Variants in TBC1D9B observed in about 807,000 individuals in gnomAD.
The protein encoded by TBC1D9B is TBC1 domain family, member 9B (with GRAM domain).
A neutral mutation model predicts 121.1 loss-of-function variants in TBC1D9B; 87 were observed. The ratio of observed to expected loss-of-function variants is 0.72; its 90% CI spans 0.60 to 0.86. TBC1D9B has a LOEUF of 0.86. TBC1D9B is among the 40% of genes least tolerant of loss of function. The probability of loss-of-function intolerance (pLI) is 0.00; values close to 1 mark genes in which losing one functional copy is unlikely to be tolerated. For missense variants in TBC1D9B, 1,540 were observed against 1,628.6 expected, an observed-to-expected ratio of 0.95 and a Z score of 0.94; for synonymous variants, 668 against 670.1, an observed-to-expected ratio of 1.00 and a Z score of 0.05.
rs142783209 is a variant in TBC1D9B, at chr5:179,900,689, G to A, written c.230-1382C>T. ...TGTTTAAAGATGCCTTATTTAATAC[G>A]TATCCCTGATCGATTGGCATTGAGC... On this transcript the variant is annotated intron_variant, in intron 2 of 20. Transcript: ENST00000355235. Among the ~76,000 whole-genome samples the A allele has an allele frequency of 4.4e-3, 673 of 152,236 alleles. 9 individuals carry two copies. The highest frequency in any genetic ancestry group is 0.016 in the African/African-American group (648 of 41,528).
At chr5:179,883,890 G>C (rs971325056) in intron 7 of TBC1D9B, among the ~76,000 whole-genome samples, 1 of 152,192 alleles carries the variant, frequency 6.6e-6, no homozygotes, top group African/African-American at 2.4e-5. Context: ...CACAGCTGGA[G>C]AGGCCTTTCC....
chr5:179,889,091 G>A (rs1197836197), intron 6 of TBC1D9B, among the ~76,000 whole-genome samples: 1 of 151,688 alleles, frequency 6.6e-6, no homozygotes, highest in Non-Finnish European at 1.5e-5. Context: ...GTGCAGTGGT[G>A]CGATCTCAGC....
In TBC1D9B at chr5:179,863,662, T is replaced by C; in HGVS notation, c.3488A>G (p.Glu1163Gly). Residue 1163 changes from glutamate (E) to glycine (G), a missense_variant, in exon 21 of 21, where the codon GAG becomes GGG. Transcript: ENST00000355235. This position sits in a 1 kb window ranked among gnomAD's most constrained non-coding sequence, Gnocchi z 4.5. ...GATGCGCGCTGTGGGGCTGCAGGCC[T>C]CCCCGCCCACCAGCACCGTGTCGTC... ...LADDTVLVGG[E>G]ACSPTARIGG... 2 of 1,613,708 alleles carry C rather than the reference T, an allele frequency of 1.2e-6. No homozygotes were observed. Among genetic ancestry groups the C allele is most frequent in the Non-Finnish European group, 1.7e-6 (2 of 1,180,012 alleles).
chr5:179,904,621 G>C lies in TBC1D9B; in HGVS notation c.229+81C>G. The C allele has an allele frequency of 8.2e-7, 1 of 1,215,210 alleles. No homozygotes were observed. Among genetic ancestry groups the C allele is most frequent in the Non-Finnish European group, 1.2e-6 (1 of 849,136 alleles). 75.3% of individuals were successfully genotyped at this position (1,215,210 alleles called of 1,614,324 possible). A position where few individuals can be genotyped will look rare whatever the true frequency, so the allele number is the denominator to read the frequency against. ...AGCAGGGAATACCACCCAGACACGT[G>C]GGCTACACACCCCTTCCTCTCGGCA... On this transcript the variant is annotated intron_variant, in intron 2 of 20. Coordinates refer to ENST00000355235, the MANE Select transcript of TBC1D9B (RefSeq NM_015043.4). This position sits in a 1 kb window ranked among gnomAD's most constrained non-coding sequence, Gnocchi z 4.2.
In TBC1D9B at chr5:179,878,362, G is replaced by A. The variant is rs760882969; in HGVS notation, c.1729C>T (p.Arg577Trp). The A allele has an allele frequency of 5.0e-6, 8 of 1,613,932 alleles. No homozygotes were observed. The highest frequency in any genetic ancestry group is 1.3e-5 in the African/African-American group (1 of 75,042). The change falls in exon 10 of 21, where the codon CGG (arginine) becomes TGG (tryptophan). Residue 577 changes from arginine to tryptophan, a missense_variant. By Grantham distance (101) the Arg-to-Trp change is moderately radical. Coordinates refer to ENST00000355235, the MANE Select transcript of TBC1D9B (RefSeq NM_015043.4). The stretch of plus-strand genomic sequence containing the variant: ...AAGGCATAGGCAGTCAGCACCCGCC[G>A]GAGGGCAGCAATCCCCAGCTCGTTC... The part of the protein sequence containing the change: ...FQNELGIAAL[R>W]RVLTAYAFRN...
chr5:179,873,683 G>A (rs1305059530), intron 12 of TBC1D9B, among the ~76,000 whole-genome samples: 1 of 152,152 alleles, frequency 6.6e-6, no homozygotes, highest in Non-Finnish European at 1.5e-5. Flanking sequence ...GAGGCCTGCT[G>A]CAGCCCAGGG....
rs142373241 is a variant in TBC1D9B, at chr5:179,863,618, C to T, written c.3532G>A (p.Asp1178Asn). 176 of 1,613,826 alleles carry T rather than the reference C, an allele frequency of 1.1e-4. No homozygotes were observed. The highest frequency in any genetic ancestry group is 1.6e-4 in the Middle Eastern group (1 of 6,062). ...TARIGGTVDT[D>N]WCISFEQILA... ...ATCTGCTCAAAGGAGATGCACCAGTCGGTGTCGACGGTGCCGCCGATGCGC... is the reference window on the plus strand; with the variant it reads ...ATCTGCTCAAAGGAGATGCACCAGTTGGTGTCGACGGTGCCGCCGATGCGC... The change falls in exon 21 of 21, where the codon GAC becomes AAC. Residue 1178 changes from aspartate to asparagine, a missense_variant. Transcript: ENST00000355235. This position sits in a 1 kb window ranked among gnomAD's most constrained non-coding sequence, Gnocchi z 4.5.
intron 7 of TBC1D9B, among the ~76,000 whole-genome samples, chr5:179,880,753 G>C (rs78325915): frequency 6.6e-6 from 1 of 151,322 alleles, no homozygotes; most frequent in East Asian, 1.9e-4. Context: ...AAAAAAAAAA[G>C]AGAGAACTCT....
At chr5:179,887,843 A>T in intron 7 of TBC1D9B, 1 of 544,320 alleles carries the variant, frequency 1.8e-6, no homozygotes. Flanking sequence ...CAGAAAGGAC[A>T]GCCAGAGAAG....
At position 179,865,139 on chromosome 5, in the gene TBC1D9B, G is replaced by T; in HGVS notation, c.3021+115C>A. On this transcript the variant is annotated intron_variant, in intron 20 of 20. Coordinates refer to ENST00000355235, the MANE Select transcript of TBC1D9B (RefSeq NM_015043.4). The surrounding 1 kb of genome is among the most constrained non-coding windows in gnomAD (Gnocchi z 5.1). Reference sequence around the variant, plus strand: ...CCAGGACTAACGGGCTCTAGAGGCAGGGAGGAGCCTTCCCACCCACCAGGA... The same window carrying T: ...CCAGGACTAACGGGCTCTAGAGGCATGGAGGAGCCTTCCCACCCACCAGGA... 1.0e-6 allele frequency: 1 copy of T among 980,722 alleles called. No individual in the cohort carries two copies. The highest frequency in any genetic ancestry group is 1.6e-6 in the Non-Finnish European group (1 of 627,426). 60.8% of individuals were successfully genotyped at this position (980,722 alleles called of 1,614,324 possible).
In TBC1D9B at chr5:179,865,338, C is replaced by A; in HGVS notation, c.2937G>T (p.Pro979=). 6.2e-7 allele frequency: 1 copy of A among 1,613,994 alleles called. No individual in the cohort carries two copies. Among genetic ancestry groups the A allele is most frequent in the Non-Finnish European group, 8.5e-7 (1 of 1,180,022 alleles). ...ERGEEKGTSS[P]DYRHYLRMWA... ...ACATTCGAAGGTAGTGCCGATAGTC[C>A]GGAGAGCTGGTCCCCTTCTCCTCTG... The change falls in exon 20 of 21, where the codon CCG becomes CCT. Residue 979 remains proline, a synonymous_variant. Coordinates refer to ENST00000355235, the MANE Select transcript of TBC1D9B (RefSeq NM_015043.4). The surrounding 1 kb of genome is among the most constrained non-coding windows in gnomAD (Gnocchi z 5.1).
In TBC1D9B at chr5:179,864,114, C is replaced by A; in HGVS notation, c.3036G>T (p.Glu1012Asp). ...ACATGTTGTAAAGCGTCTTGCACAG[C>A]TCAATGAACTGCTCCTTTTAGGGAG... Reference protein sequence around the residue: ...LPKMNQEQFIELCKTLYNMFS... With the variant: ...LPKMNQEQFIDLCKTLYNMFS... The change falls in exon 21 of 21, where the codon GAG (glutamate) becomes GAT (aspartate). Residue 1012 changes from glutamate to aspartate, a missense_variant. Glu to Asp is a conservative substitution (Grantham distance 45). Coordinates refer to ENST00000355235, the MANE Select transcript of TBC1D9B (RefSeq NM_015043.4). The A allele has an allele frequency of 6.2e-7, 1 of 1,600,866 alleles. No individual in the cohort carries two copies. Among genetic ancestry groups the A allele is most frequent in the South Asian group, 1.1e-5 (1 of 90,230 alleles).
At chr5:179,872,688 A>T in intron 14 of TBC1D9B, 1 of 583,400 alleles carries the variant, frequency 1.7e-6, no homozygotes, top group Non-Finnish European at 3.0e-6. Context: ...TGACACATCC[A>T]CCAGCAGAGA....
In TBC1D9B at chr5:179,874,006, T is replaced by A. The variant is rs1760282694; in HGVS notation, c.2187-758A>T. Among the ~76,000 whole-genome samples the A allele has an allele frequency of 6.6e-6, 1 of 152,176 alleles. No homozygotes were observed. Among genetic ancestry groups the A allele is most frequent in the Non-Finnish European group, 1.5e-5 (1 of 68,024 alleles). Reference sequence around the variant, plus strand: ...GCCCACAGTAGGGAGGTGACAACCCTGCTGGATCTAGAGAGTCCCAGGCAG... The same window carrying A: ...GCCCACAGTAGGGAGGTGACAACCCAGCTGGATCTAGAGAGTCCCAGGCAG... On this transcript the variant is annotated intron_variant, in intron 12 of 20. Coordinates refer to ENST00000355235, the MANE Select transcript of TBC1D9B (RefSeq NM_015043.4). The surrounding 1 kb of genome is among the most constrained non-coding windows in gnomAD (Gnocchi z 4.3).
At chr5:179,870,137 G>T in intron 16 of TBC1D9B, 118 bp downstream of exon 16, 1 of 1,508,036 alleles carries the variant, frequency 6.6e-7, no homozygotes, top group South Asian at 1.3e-5. Flanking sequence ...TAGGGCCAGG[G>T]GCTCAAGCTG....
chr5:179,877,664 C>CAAAAAAAAAAAAAAAAAAAAA (rs564753950), intron 10 of TBC1D9B, among the ~76,000 whole-genome samples: 1 of 66,700 alleles, frequency 1.5e-5, no homozygotes. Context: ...GATTCTATCT[C>CAAAAAAAAAAAAAAAAAAAAA]AAAAAAAAAA....
At position 179,865,897 on chromosome 5, in the gene TBC1D9B, A is replaced by G. The variant is rs1379672808; in HGVS notation, c.2864-9T>C. On this transcript the variant is annotated splice_polypyrimidine_tract_variant and intron_variant, in intron 18 of 20. Coordinates refer to ENST00000355235, the MANE Select transcript of TBC1D9B (RefSeq NM_015043.4). This position sits in a 1 kb window ranked among gnomAD's most constrained non-coding sequence, Gnocchi z 5.1. ...TTCCTGTGGTAGTGCTTCTGGACAA[A>G]CGCAAAAATAAAAAGAACATGAATA... The G allele has an allele frequency of 1.2e-6, 2 of 1,613,672 alleles. No individual in the cohort carries two copies. The highest frequency in any genetic ancestry group is 1.7e-6 in the Non-Finnish European group (2 of 1,179,850).
intron 3 of TBC1D9B, among the ~76,000 whole-genome samples, chr5:179,896,457 G>C (rs1482174150): frequency 6.6e-6 from 1 of 152,162 alleles, no homozygotes; most frequent in Non-Finnish European, 1.5e-5. Flanking sequence ...CCACTAAGTT[G>C]ATGGTAATTT....
At position 179,879,047 on chromosome 5, in the gene TBC1D9B, C is replaced by T. The variant is rs766343754; in HGVS notation, c.1567G>A (p.Gly523Arg). ...CTGGGGGTGGCTGCACCCCACTCAC[C>T]GGAGAAGAGGAGCCACAGCTCTCCC... Reference protein sequence around the residue: ...LRGELWLLFSGAWNEMVTHPG... With the variant: ...LRGELWLLFSRAWNEMVTHPG... Residue 523 changes from glycine (G) to arginine (R), a missense_variant and splice_region_variant, in exon 9 of 21, where the codon GGG (glycine) becomes AGG (arginine). Physicochemically the swap from Gly to Arg is moderately radical, Grantham distance 125. Coordinates refer to ENST00000355235, the MANE Select transcript of TBC1D9B (RefSeq NM_015043.4). 1.6e-5 allele frequency: 25 copies of T among 1,601,106 alleles called. No homozygotes were observed. Among genetic ancestry groups the T allele is most frequent in the Middle Eastern group, 1.6e-4 (1 of 6,062 alleles).
Sources: gnomAD v4.1 joint callset for allele counts (sites outside exome capture counted in the v4.1 genomes callset) on GRCh38, gnomAD v4.1.1 for gene constraint, Gnocchi (gnomAD v3.1) non-coding constraint, MANE v1.5 for transcripts, NCBI Gene and HGNC (gene_info 2026-07-23, HGNC 2026-07-21) for gene names.